The following GPATCH8 variants were observed in gnomAD, a reference collection of about 807,000 sequenced individuals.
GPATCH8 encodes G-patch domain containing 8.
A neutral mutation model predicts 118.3 loss-of-function variants in GPATCH8; 18 were observed. The ratio of observed to expected loss-of-function variants is 0.15; its 90% CI spans 0.11 to 0.23. The LOEUF (loss-of-function observed/expected upper bound fraction) is 0.23. Ranked by LOEUF, GPATCH8 falls within the 10% of genes least tolerant of loss-of-function variation. GPATCH8 has a pLI of 1.00. For missense variants in GPATCH8, 1,631 were observed against 1,873.8 expected (o/e 0.87, Z 2.39); for synonymous variants, 659 against 684.7 (o/e 0.96, Z 0.59).
chr17:44,484,133 C>T (rs867577816), intron 1 of GPATCH8, among the ~76,000 whole-genome samples: 1 of 152,134 alleles, frequency 6.6e-6, no homozygotes, highest in African/African-American at 2.4e-5. Context: ...AGCCACCATG[C>T]CAGACCAATT....
intron 6 of GPATCH8, among the ~76,000 whole-genome samples, chr17:44,409,555 T>C (rs1388316113): frequency 6.6e-6 from 1 of 152,196 alleles, no homozygotes; most frequent in Non-Finnish European, 1.5e-5. Context: ...CGTACTTTGT[T>C]CTCTGACCAG....
At chr17:44,435,717 ACTC>A (rs2050485495) in intron 4 of GPATCH8, among the ~76,000 whole-genome samples, 1 of 134,500 alleles carries the variant, frequency 7.4e-6, no homozygotes, top group Admixed American at 7.3e-5. Context: ...GCGCCCAGCG[ACTC>A]CTAATTCTTT....
intron 1 of GPATCH8, among the ~76,000 whole-genome samples, chr17:44,489,586 C>T (rs566184036): frequency 3.9e-5 from 6 of 152,242 alleles, no homozygotes; most frequent in East Asian, 3.9e-4. Flanking sequence ...GTGATCCGCC[C>T]GCCTCGGCCT....
intron 3 of GPATCH8, among the ~76,000 whole-genome samples, chr17:44,442,669 T>C (rs928239339): frequency 1.3e-5 from 2 of 152,238 alleles, no homozygotes; most frequent in Non-Finnish European, 2.9e-5. Context: ...TTCACCATAT[T>C]GCTCAGGCTG....
intron 7 of GPATCH8, among the ~76,000 whole-genome samples, chr17:44,403,113 T>C (rs758351269): frequency 1.4e-4 from 21 of 152,112 alleles, no homozygotes; most frequent in Non-Finnish European, 2.2e-4. Flanking sequence ...TGTCACCCTA[T>C]TGCCCAGGCT....
chr17:44,454,567 C>G (rs2051255284), intron 3 of GPATCH8, among the ~76,000 whole-genome samples: 1 of 152,150 alleles, frequency 6.6e-6, no homozygotes, highest in South Asian at 2.1e-4. Context: ...ATTCAGTCTC[C>G]TCTCCTGCAA....
chr17:44,434,948 AC>A, intron 5 of GPATCH8, 116 bp downstream of exon 5: 1 of 725,260 alleles, frequency 1.4e-6, no homozygotes, highest in Non-Finnish European at 2.6e-6. Context: ...ACTACTAATT[AC>A]CACCAAATGT....
At chr17:44,451,079 T>C (rs990514955) in intron 3 of GPATCH8, among the ~76,000 whole-genome samples, 2 of 152,214 alleles carry the variant, frequency 1.3e-5, no homozygotes, top group Non-Finnish European at 2.9e-5. Flanking sequence ...TTCTATCTTA[T>C]TCACTCTTAA....
chr17:44,467,577 T>C (rs1004356378), intron 2 of GPATCH8, among the ~76,000 whole-genome samples: 5 of 152,084 alleles, frequency 3.3e-5, no homozygotes, highest in Non-Finnish European at 5.9e-5. Context: ...ATAGAAACAA[T>C]AGACACATCT....
chr17:44,445,232 C>T (rs1290008010), intron 3 of GPATCH8, among the ~76,000 whole-genome samples: 1 of 152,218 alleles, frequency 6.6e-6, no homozygotes, highest in East Asian at 1.9e-4. Context: ...CATATATCGA[C>T]AAACTTTTAA....
intron 1 of GPATCH8, among the ~76,000 whole-genome samples, chr17:44,485,004 T>C (rs938396355): frequency 2.0e-5 from 3 of 151,880 alleles, no homozygotes; most frequent in African/African-American, 4.8e-5. Context: ...TTTTAGAGAC[T>C]GGGTTCCATC....
intron 5 of GPATCH8, among the ~76,000 whole-genome samples, chr17:44,427,160 C>T (rs894349450): frequency 6.6e-5 from 10 of 151,402 alleles, no homozygotes; most frequent in Non-Finnish European, 1.0e-4. Context: ...ACTGTAGCAT[C>T]GACCTCCTGG....
chr17:44,468,523 G>C (rs988985585), intron 2 of GPATCH8, among the ~76,000 whole-genome samples: 6 of 151,400 alleles, frequency 4.0e-5, no homozygotes, highest in Non-Finnish European at 8.8e-5. Context: ...AAAGTGCTGG[G>C]ATTACAGGTG....
At chr17:44,449,675 C>T (rs575397121) in intron 3 of GPATCH8, among the ~76,000 whole-genome samples, 40 of 152,076 alleles carry the variant, frequency 2.6e-4, no homozygotes, top group African/African-American at 9.4e-4. Flanking sequence ...CACCACAACG[C>T]CCGGCTAATT....
intron 1 of GPATCH8, among the ~76,000 whole-genome samples, chr17:44,499,640 C>G (rs532309995): frequency 1.3e-5 from 2 of 152,316 alleles, no homozygotes; most frequent in African/African-American, 4.8e-5. Context: ...CACCGTATAG[C>G]TAGCTGTACA....
At position 44,401,100 on chromosome 17, in the gene GPATCH8, C is replaced by T. The variant is rs199705110; in HGVS notation, c.977G>A (p.Gly326Glu). The change falls in exon 8 of 8, where the codon GGG (glycine) becomes GAG (glutamate). Residue 326 changes from glycine (G) to glutamate (E), a missense_variant. Gly to Glu is a moderately conservative substitution (Grantham distance 98, BLOSUM62 -2). Coordinates refer to ENST00000591680, the MANE Select transcript of GPATCH8 (RefSeq NM_001002909.4). ...GGGTTTTGTTCCATCTTCAGAGGTCCCTTCCTCCGCATGGTCCTTGAAAAC... is the reference window on the plus strand; with the variant it reads ...GGGTTTTGTTCCATCTTCAGAGGTCTCTTCCTCCGCATGGTCCTTGAAAAC... ...ASVFKDHAEE[G>E]TSEDGTKPDE... 2.5e-6 allele frequency: 4 copies of T among 1,614,096 alleles called. No individual in the cohort carries two copies. The highest frequency in any genetic ancestry group is 3.4e-6 in the Non-Finnish European group (4 of 1,179,964).
intron 6 of GPATCH8, among the ~76,000 whole-genome samples, chr17:44,410,268 T>C (rs948147722): frequency 2.6e-5 from 4 of 152,180 alleles, no homozygotes; most frequent in African/African-American, 7.2e-5. Context: ...TTCTCTTAAA[T>C]TCTAAAGAGG....
chr17:44,401,767 G>A (rs1357759861), intron 7 of GPATCH8, among the ~76,000 whole-genome samples: 1 of 152,138 alleles, frequency 6.6e-6, no homozygotes, highest in Non-Finnish European at 1.5e-5. Flanking sequence ...ACTTTGAGAG[G>A]CCAAGGTGGA....
Position 44,399,842 on chromosome 17 carries a change from T to C in GPATCH8, c.2235A>G (p.Arg745=), listed in dbSNP as rs2048942243. 1.9e-5 allele frequency: 31 copies of C among 1,613,624 alleles called. No homozygotes were observed. The highest frequency in any genetic ancestry group is 2.5e-5 in the Non-Finnish European group (30 of 1,179,930). Reference sequence around the variant, plus strand: ...AGTCATCTTGAGCTCTCCGCCTTCTTCTTGGTGGTGCGGGACTGCCACTCC... The same window carrying C: ...AGTCATCTTGAGCTCTCCGCCTTCTCCTTGGTGGTGCGGGACTGCCACTCC... ...PPGSGSPAPP[R]RRRRAQDDSQ... Residue 745 remains arginine (R), a synonymous_variant, in exon 8 of 8, where the codon AGA becomes AGG. Coordinates refer to ENST00000591680, the MANE Select transcript of GPATCH8 (RefSeq NM_001002909.4).
Sources: allele counts gnomAD v4.1 joint callset (sites outside exome capture counted in the v4.1 genomes callset), GRCh38; gene constraint gnomAD v4.1.1; transcripts MANE v1.5; gene names NCBI Gene and HGNC (gene_info 2026-07-23, HGNC 2026-07-21).